The following LIN52 variants were observed in gnomAD, a reference collection of about 807,000 sequenced individuals.
LIN52 encodes the protein protein lin-52 homolog.
LIN52 carries 4 observed loss-of-function variants against 18.5 expected under a neutral mutation model. The observed-to-expected ratio is 0.22, with a 90% CI of 0.11 to 0.49. LIN52 has a LOEUF of 0.49. LIN52 is among the 20% of genes least tolerant of loss of function. The pLI is 0.97. For missense variants in LIN52, 102 were observed against 139.5 expected (o/e 0.73, Z 1.35); for synonymous variants, 34 against 45.5 (o/e 0.75, Z 1.02).
intron 5 of LIN52, among the ~76,000 whole-genome samples, chr14:74,143,610 A>G (rs8008923): frequency 0.78 from 117,661 of 151,740 alleles, 45,948 homozygotes; most frequent in Admixed American, 0.81. Context: ...TTTACTGTGA[A>G]GTTTTTTTTT....
At chr14:74,176,734 C>T (rs146136699) in intron 5 of LIN52, among the ~76,000 whole-genome samples, 1 of 152,230 alleles carries the variant, frequency 6.6e-6, no homozygotes, top group African/African-American at 2.4e-5. Flanking sequence ...AAATTTTATG[C>T]AGCACATGAC....
chr14:74,190,360 T>C (rs11159069), intron 5 of LIN52, among the ~76,000 whole-genome samples: 114,177 of 147,536 alleles, frequency 0.77, 44,475 homozygotes, highest in Admixed American at 0.81. Context: ...TTAGTCTCCT[T>C]TTTGAAATGT....
chr14:74,119,454 G>A (rs778974411), intron 5 of LIN52, among the ~76,000 whole-genome samples: 56 of 152,098 alleles, frequency 3.7e-4, no homozygotes, highest in Non-Finnish European at 7.2e-4. Context: ...ATGAGCCGCC[G>A]CACCTGGGCC....
rs201369349 is a variant in LIN52 at position 74,104,588 on chromosome 14, T to G, written c.283+3350T>G. 1.1e-3 allele frequency among the ~76,000 whole-genome samples: 151 copies of G among 143,408 alleles called. 2 individuals carry two copies. The East Asian group carries it at 0.023, about 22-fold the overall frequency. 94.1% of individuals were successfully genotyped at this position (143,408 alleles called of 152,430 possible). ...TCTAGAAGCTTGCACAGATACAGGC[T>G]TGATTTTTTTTTTTTAATTTTGATA... is the stretch of plus-strand genomic sequence containing the variant. On this transcript the variant is annotated intron_variant, in intron 5 of 5. Transcript: ENST00000555028.
rs865886338 is a variant in LIN52 at position 74,085,144 on chromosome 14, C to T, written c.19+151C>T. Reference sequence around the variant, plus strand: ...TTTTCTTGAGATCCATCGCCGTCTTCAGCTCACCGGTTCTTCACAGCAGCT... The same window carrying T: ...TTTTCTTGAGATCCATCGCCGTCTTTAGCTCACCGGTTCTTCACAGCAGCT... On this transcript the variant is annotated intron_variant, in intron 1 of 5. Coordinates refer to ENST00000555028, the MANE Select transcript of LIN52 (RefSeq NM_001024674.3). 5.9e-6 allele frequency: 4 copies of T among 678,694 alleles called. No homozygotes were observed. In the Middle Eastern group the frequency reaches 1.1e-3, roughly 192 times the overall value. 42.0% of individuals were successfully genotyped at this position (678,694 alleles called of 1,614,324 possible). A position where few individuals can be genotyped will look rare whatever the true frequency, so the allele number is the denominator to read the frequency against.
chr14:74,091,048 G>A (rs556442457), intron 1 of LIN52, among the ~76,000 whole-genome samples, 184 bp from the exon 2 acceptor site: 7 of 152,326 alleles, frequency 4.6e-5, no homozygotes, highest in South Asian at 2.1e-4. Context: ...GATTGAAAGA[G>A]TGAGGTTTGG....
At chr14:74,167,525 C>T (rs1452928026) in intron 5 of LIN52, among the ~76,000 whole-genome samples, 2 of 152,098 alleles carry the variant, frequency 1.3e-5, no homozygotes, top group Non-Finnish European at 2.9e-5. Context: ...CTCAGCCTCC[C>T]AAAGTGTTGG....
intron 5 of LIN52, among the ~76,000 whole-genome samples, chr14:74,139,208 C>A (rs1406897478): frequency 1.3e-5 from 2 of 152,048 alleles, no homozygotes; most frequent in Non-Finnish European, 2.9e-5. Flanking sequence ...GGCCTGGCTG[C>A]AAAATAATGT....
intron 5 of LIN52, among the ~76,000 whole-genome samples, chr14:74,179,201 T>A (rs1346694040): frequency 6.6e-6 from 1 of 152,208 alleles, no homozygotes; most frequent in African/African-American, 2.4e-5. Context: ...CTCCATTCTA[T>A]CCTCATAAAT....
rs775916708 is a variant in LIN52, at chr14:74,095,934, GTT to G, written c.95-10_95-9del. The G allele has an allele frequency of 6.3e-7, 1 of 1,589,310 alleles. No individual in the cohort carries two copies. Among genetic ancestry groups the G allele is most frequent in the Non-Finnish European group, 8.6e-7 (1 of 1,161,544 alleles). ...ATACTTATTGAATAAATAAAGTTTT[GTT>G]TTTCTTTTTAGTACCAGGTGTTGCT... is the stretch of plus-strand genomic sequence containing the variant. On this transcript the variant is annotated splice_polypyrimidine_tract_variant and intron_variant, in intron 2 of 5. Coordinates refer to ENST00000555028, the MANE Select transcript of LIN52 (RefSeq NM_001024674.3).
chr14:74,131,383 AT>A (rs1266854264), intron 5 of LIN52, among the ~76,000 whole-genome samples: 3 of 149,472 alleles, frequency 2.0e-5, no homozygotes, highest in Non-Finnish European at 4.4e-5. Context: ...CAGTGGCATG[AT>A]CTCAGCTCAC....
At chr14:74,132,754 G>A (rs550747553) in intron 5 of LIN52, among the ~76,000 whole-genome samples, 3 of 152,210 alleles carry the variant, frequency 2.0e-5, no homozygotes, top group South Asian at 4.1e-4. Flanking sequence ...TGATCCGCCC[G>A]CCTCGGCCTC....
intron 5 of LIN52, among the ~76,000 whole-genome samples, chr14:74,177,583 C>G (rs1240018948): frequency 6.6e-6 from 1 of 152,060 alleles, no homozygotes. Flanking sequence ...AAACACAGCC[C>G]TTTTTGTTTT....
chr14:74,123,501 G>A (rs2061010897), intron 5 of LIN52, among the ~76,000 whole-genome samples: 1 of 152,166 alleles, frequency 6.6e-6, no homozygotes, highest in Admixed American at 6.5e-5. Context: ...AGGCTATCTA[G>A]GTGGAAATAA....
rs2139860989 is a variant in LIN52, at chr14:74,095,844, C to G, written c.95-104C>G. The G allele has an allele frequency of 4.3e-6, 3 of 697,608 alleles. No homozygotes were observed. In the South Asian group the frequency reaches 5.8e-5, roughly 13 times the overall value. 43.2% of individuals were successfully genotyped at this position (697,608 alleles called of 1,614,324 possible). ...TTATTGGTTTATTCTTTCTCTTCTT[C>G]TAAACTATAAGAAAACAGACAAAGC... On this transcript the variant is annotated intron_variant, in intron 2 of 5. Transcript: ENST00000555028.
Position 74,158,413 on chromosome 14 carries a change from C to T in LIN52, c.284-40509C>T, listed in dbSNP as rs566614270. On this transcript the variant is annotated intron_variant, in intron 5 of 5. Transcript: ENST00000555028. Reference sequence around the variant, plus strand: ...TAGGCGTGAGCCACCGTGCGTGGCCCGCCCCCTACTGCTGTCGTAAGTTAT... The same window carrying T: ...TAGGCGTGAGCCACCGTGCGTGGCCTGCCCCCTACTGCTGTCGTAAGTTAT... 5.3e-5 allele frequency among the ~76,000 whole-genome samples: 8 copies of T among 150,870 alleles called. 1 individual carries two copies. In the East Asian group the frequency reaches 7.9e-4, roughly 15 times the overall value.
intron 5 of LIN52, among the ~76,000 whole-genome samples, chr14:74,159,432 A>C (rs546574845): frequency 7.2e-5 from 11 of 152,332 alleles, no homozygotes; most frequent in African/African-American, 2.2e-4. Flanking sequence ...AATTATCTGC[A>C]GTATAATGTT....
At chr14:74,123,073 A>T (rs898064288) in intron 5 of LIN52, among the ~76,000 whole-genome samples, 1 of 152,164 alleles carries the variant, frequency 6.6e-6, no homozygotes, top group Non-Finnish European at 1.5e-5. Context: ...ATAAGTTCTT[A>T]AAAACTATTA....
intron 5 of LIN52, among the ~76,000 whole-genome samples, chr14:74,117,210 A>C (rs1031825357): frequency 6.6e-6 from 1 of 152,234 alleles, no homozygotes. Context: ...ATGTGCTTGC[A>C]TAAGTAGGAA....
Sources: allele counts gnomAD v4.1 joint callset (sites outside exome capture counted in the v4.1 genomes callset), GRCh38; gene constraint gnomAD v4.1.1; transcripts MANE v1.5; gene names NCBI Gene and HGNC (gene_info 2026-07-23, HGNC 2026-07-21).